POLR2B: variants seen among roughly 807,000 people sequenced by gnomAD.
The protein encoded by POLR2B is DNA-directed RNA polymerase II subunit RPB2.
In POLR2B, 57 loss-of-function variants were observed where a neutral mutation model predicts 144.6. The ratio of observed to expected loss-of-function variants is 0.39; its 90% CI spans 0.32 to 0.49. The LOEUF (loss-of-function observed/expected upper bound fraction) is 0.49, where lower values mean the gene tolerates loss of function less well. Among genes scored for constraint, POLR2B ranks in the 20% least tolerant of loss-of-function variants. The pLI is 0.83. For synonymous variants in POLR2B, 442 were observed against 469.8 expected (o/e 0.94, Z 0.77); for missense variants, 595 against 1,467.4 (o/e 0.41, Z 9.71).
chr4:56,992,328 G>T (rs1722535479), intron 3 of POLR2B, among the ~76,000 whole-genome samples: 1 of 150,836 alleles, frequency 6.6e-6, no homozygotes, highest in African/African-American at 2.4e-5. Flanking sequence ...AGCCGGGTGT[G>T]GTGCCAGGCA....
chr4:57,012,166 A>T (rs1434725261), intron 13 of POLR2B, among the ~76,000 whole-genome samples: 2 of 152,130 alleles, frequency 1.3e-5, no homozygotes, highest in Non-Finnish European at 2.9e-5. Flanking sequence ...GCACTTTGGG[A>T]AGTTGAGGCA....
chr4:56,989,379 T>C lies in POLR2B; in HGVS notation c.93-1369T>C, dbSNP rs1009224922. ...ATTTCTTTCCCATTATGTGACAGTC[T>C]CTACTGAAATAAATTGCCCCAACTG... On this transcript the variant is annotated intron_variant, in intron 2 of 24. Coordinates refer to ENST00000314595, the MANE Select transcript of POLR2B (RefSeq NM_000938.3). 5.9e-5 allele frequency among the ~76,000 whole-genome samples: 9 copies of C among 152,364 alleles called. No homozygotes were observed. The South Asian group carries it at 1.7e-3, about 28-fold the overall frequency.
rs182900475 is a variant in POLR2B, at chr4:57,014,510, T to C, written c.1801-992T>C. ...GTGCCTGGTCTTTTTTTTTCTTTTT[T>C]TTTTTTTTTTGAGACGGAGTCTTGC... On this transcript the variant is annotated intron_variant, in intron 13 of 24. Coordinates refer to ENST00000314595, the MANE Select transcript of POLR2B (RefSeq NM_000938.3). Among the ~76,000 whole-genome samples, 80 of 146,954 alleles carry C rather than the reference T, an allele frequency of 5.4e-4. 1 individual carries two copies. The East Asian group carries it at 0.014, about 25-fold the overall frequency.
At chr4:57,018,247 T>C (rs940613451) in intron 16 of POLR2B, among the ~76,000 whole-genome samples, 1 of 152,158 alleles carries the variant, frequency 6.6e-6, no homozygotes, top group African/African-American at 2.4e-5. Flanking sequence ...GAAATTTGTT[T>C]TAGGAATACC....
intron 8 of POLR2B, 39 bp downstream of exon 8, chr4:57,005,481 T>C: frequency 6.7e-7 from 1 of 1,498,816 alleles, no homozygotes. Context: ...TTTATCAAGA[T>C]ACAGTTGAGA....
chr4:56,985,867 C>A (rs1415075854), intron 1 of POLR2B, among the ~76,000 whole-genome samples: 1 of 152,194 alleles, frequency 6.6e-6, no homozygotes, highest in Non-Finnish European at 1.5e-5. Context: ...GTGCATAGAC[C>A]ACTATATGTG....
chr4:56,984,289 C>T (rs1380511012), intron 1 of POLR2B, among the ~76,000 whole-genome samples: 2 of 151,800 alleles, frequency 1.3e-5, no homozygotes, highest in African/African-American at 4.8e-5. Flanking sequence ...TGTATAATCT[C>T]ATTTTTCTCC....
At position 57,020,866 on chromosome 4, in the gene POLR2B, A is replaced by G. The variant is rs762939549; in HGVS notation, c.2324-33A>G. 5 of 1,120,132 alleles carry G rather than the reference A, an allele frequency of 4.5e-6. No homozygotes were observed. In the South Asian group the frequency reaches 4.9e-5, roughly 11 times the overall value. 69.4% of individuals were successfully genotyped at this position (1,120,132 alleles called of 1,614,324 possible). A position where few individuals can be genotyped will look rare whatever the true frequency, so the allele number is the denominator to read the frequency against. On this transcript the variant is annotated intron_variant, in intron 16 of 24. Transcript: ENST00000314595. ...GGGCAGTTTTTCTGTTTTCCAGGTG[A>G]TGTTTTAATGTATGCTCTTAAATTC...
Position 57,023,607 on chromosome 4 carries a change from A to G in POLR2B, c.2766+27A>G. 5.6e-6 allele frequency: 9 copies of G among 1,611,846 alleles called. No homozygotes were observed. Among genetic ancestry groups the G allele is most frequent in the Non-Finnish European group, 7.6e-6 (9 of 1,178,316 alleles). ...TGAGTACAACTTTGTTCATGTAGCT[A>G]GTTTTAGAAAGTAAACCAAATCCAC... On this transcript the variant is annotated intron_variant, in intron 19 of 24. Coordinates refer to ENST00000314595, the MANE Select transcript of POLR2B (RefSeq NM_000938.3). The surrounding 1 kb of genome is among the most constrained non-coding windows in gnomAD (Gnocchi z 4.3).
intron 1 of POLR2B, among the ~76,000 whole-genome samples, chr4:56,981,988 C>G (rs1039572343): frequency 1.3e-5 from 2 of 152,242 alleles, no homozygotes; most frequent in Non-Finnish European, 2.9e-5. Context: ...CTAGCGACAT[C>G]ACTTTCACTT....
chr4:56,986,320 A>C, intron 1 of POLR2B, 34 bp from the exon 2 acceptor site: 1 of 1,288,856 alleles, frequency 7.8e-7, no homozygotes, highest in Non-Finnish European at 1.1e-6. Context: ...GTGGCATCTC[A>C]TTGCAAATGA....
chr4:56,983,867 T>C (rs974834384), intron 1 of POLR2B, among the ~76,000 whole-genome samples: 2 of 147,804 alleles, frequency 1.4e-5, no homozygotes, highest in African/African-American at 4.9e-5. Context: ...AATATTCATA[T>C]CACTTTTTTT....
At chr4:57,008,461 C>T (rs1026062261) in intron 10 of POLR2B, among the ~76,000 whole-genome samples, 8 of 152,162 alleles carry the variant, frequency 5.3e-5, no homozygotes, top group South Asian at 2.1e-4. Flanking sequence ...CTCGGCCTCC[C>T]GAAGTGCTGG....
chr4:57,008,152 G>A (rs910503943), intron 10 of POLR2B, among the ~76,000 whole-genome samples: 1 of 151,674 alleles, frequency 6.6e-6, no homozygotes, highest in African/African-American at 2.4e-5. Context: ...AGCTCACTAT[G>A]CCCTGTGCTG....
At chr4:57,015,974 G>T (rs1001916385) in intron 14 of POLR2B, among the ~76,000 whole-genome samples, 3 of 152,074 alleles carry the variant, frequency 2.0e-5, no homozygotes, top group Middle Eastern at 3.2e-3. Context: ...GGCCAGGCTG[G>T]TCTTGAACTC....
chr4:56,982,694 G>T (rs933675471), intron 1 of POLR2B, among the ~76,000 whole-genome samples: 6 of 151,618 alleles, frequency 4.0e-5, no homozygotes, highest in Admixed American at 2.0e-4. Flanking sequence ...CATTTACATT[G>T]TATTAGGTAT....
chr4:57,024,629 TATA>T (rs1358069406), intron 21 of POLR2B, among the ~76,000 whole-genome samples: 2 of 152,154 alleles, frequency 1.3e-5, no homozygotes, highest in Non-Finnish European at 2.9e-5. Context: ...TTTGAATACT[TATA>T]ATTGAGTTTT....
chr4:56,979,667 C>G (rs1201229872), intron 1 of POLR2B, among the ~76,000 whole-genome samples: 1 of 152,124 alleles, frequency 6.6e-6, no homozygotes, highest in African/African-American at 2.4e-5. Context: ...CCCGTCAGCA[C>G]TTTGGGAGGC....
At chr4:56,981,094 A>C (rs935902313) in intron 1 of POLR2B, among the ~76,000 whole-genome samples, 8 of 152,080 alleles carry the variant, frequency 5.3e-5, no homozygotes, top group African/African-American at 1.7e-4. Context: ...TGAACCTCCA[A>C]GCCCAGCCTC....
Sources: gnomAD v4.1 joint callset for allele counts (sites outside exome capture counted in the v4.1 genomes callset) on GRCh38, gnomAD v4.1.1 for gene constraint, Gnocchi (gnomAD v3.1) non-coding constraint, MANE v1.5 for transcripts, NCBI Gene and HGNC (gene_info 2026-07-23, HGNC 2026-07-21) for gene names.